MALRD1: variants seen among roughly 807,000 people sequenced by gnomAD.
MALRD1 encodes MAM and LDL-receptor class A domain-containing protein 1.
MALRD1 carries 247 observed loss-of-function variants against 242.1 expected under a neutral mutation model. The ratio of observed to expected loss-of-function variants is 1.02; its 90% confidence interval spans 0.92 to 1.13. The LOEUF is 1.13. Ranked by LOEUF, MALRD1 falls within the 50% of genes most tolerant of loss-of-function variation. The probability of loss-of-function intolerance (pLI) is 0.00; values close to 1 mark genes in which losing one functional copy is unlikely to be tolerated. For synonymous variants in MALRD1, 995 were observed against 866.6 expected (o/e 1.15, Z -2.60); for missense variants, 2,989 against 2,533.1 (o/e 1.18, Z -3.86).
In MALRD1 at chr10:19,643,759, C is replaced by G. The variant is rs185015135; in HGVS notation, c.6137+27836C>G. Among the ~76,000 whole-genome samples the G allele has an allele frequency of 2.0e-3, 308 of 152,230 alleles. 2 individuals are homozygous for G. Among genetic ancestry groups the G allele is most frequent in the African/African-American group, 6.1e-3 (252 of 41,526 alleles). On this transcript the variant is annotated intron_variant, in intron 36 of 39. Coordinates refer to ENST00000454679, the MANE Select transcript of MALRD1 (RefSeq NM_001142308.3). ...TTCCTTGAAGCATGCATTGCGTTTC[C>G]CGTTTTCTATCTATTCTCTCCCTTT...
intron 34 of MALRD1, among the ~76,000 whole-genome samples, chr10:19,603,822 A>C (rs562162464): frequency 6.6e-6 from 1 of 152,128 alleles, no homozygotes. Context: ...TGATGTTACT[A>C]CTGTAATTGT....
At chr10:19,204,287 T>TG (rs1314983774) in intron 15 of MALRD1, 21 bp from the exon 16 acceptor site, 8 of 1,285,984 alleles carry the variant, frequency 6.2e-6, no homozygotes, top group Middle Eastern at 2.1e-4. Context: ...AAGCGTTTTT[T>TG]TTTTTTTTTT....
chr10:19,100,019 C>G (rs1836195133), intron 4 of MALRD1, among the ~76,000 whole-genome samples: 1 of 151,982 alleles, frequency 6.6e-6, no homozygotes, highest in South Asian at 2.1e-4. Context: ...CCTTGGCCTC[C>G]CAAAGTATTG....
chr10:19,210,982 T>G lies in MALRD1; in HGVS notation c.2991+1302T>G, dbSNP rs938161207. Among the ~76,000 whole-genome samples, 3 of 152,326 alleles carry G rather than the reference T, an allele frequency of 2.0e-5. No individual in the cohort carries two copies. The East Asian group carries it at 5.8e-4, about 29-fold the overall frequency. On this transcript the variant is annotated intron_variant, in intron 18 of 39. Transcript: ENST00000454679. ...TGGTCTCCCACAAACATAAGATACA[T>G]GTAATCATATGGAATGAAATGGAAA...
intron 1 of MALRD1, among the ~76,000 whole-genome samples, chr10:19,050,430 G>A (rs1291868783): frequency 6.6e-6 from 1 of 151,970 alleles, no homozygotes; most frequent in Non-Finnish European, 1.5e-5. Flanking sequence ...CATGTTTACA[G>A]AATTCATTCT....
chr10:19,534,342 T>C (rs1209744318), intron 32 of MALRD1, among the ~76,000 whole-genome samples: 1 of 152,230 alleles, frequency 6.6e-6, no homozygotes, highest in Non-Finnish European at 1.5e-5. Context: ...ATTTTACATG[T>C]GGAGGAACCA....
At chr10:19,463,697 C>T (rs1051775533) in intron 29 of MALRD1, among the ~76,000 whole-genome samples, 6 of 151,880 alleles carry the variant, frequency 4.0e-5, no homozygotes, top group Admixed American at 6.6e-5. Flanking sequence ...TATCTTTTTT[C>T]GTATAATTAC....
chr10:19,061,301 T>G (rs1279690592), intron 1 of MALRD1, among the ~76,000 whole-genome samples: 1 of 152,330 alleles, frequency 6.6e-6, no homozygotes, highest in Non-Finnish European at 1.5e-5. Flanking sequence ...ATGGAAAAGA[T>G]ATTCTGTGTC....
intron 26 of MALRD1, among the ~76,000 whole-genome samples, chr10:19,371,808 A>G (rs966998358): frequency 2.0e-5 from 3 of 152,172 alleles, no homozygotes; most frequent in Admixed American, 2.0e-4. Context: ...ATTTTCTATC[A>G]CTATAATTTC....
chr10:19,653,256 G>A (rs943665392), intron 36 of MALRD1, among the ~76,000 whole-genome samples: 16 of 151,882 alleles, frequency 1.1e-4, no homozygotes, highest in African/African-American at 3.9e-4. Flanking sequence ...GAGTGCAGTG[G>A]CACAATCATA....
At chr10:19,057,640 A>G (rs1454346347) in intron 1 of MALRD1, among the ~76,000 whole-genome samples, 2 of 152,224 alleles carry the variant, frequency 1.3e-5, no homozygotes, top group African/African-American at 4.8e-5. Flanking sequence ...ATGTGCAGAA[A>G]AAAGACTCAT....
At chr10:19,390,171 T>C (rs932113657) in intron 28 of MALRD1, among the ~76,000 whole-genome samples, 7 of 152,340 alleles carry the variant, frequency 4.6e-5, no homozygotes, top group Non-Finnish European at 4.4e-5. Flanking sequence ...CTAGGACACA[T>C]ACATTTCTTC....
At chr10:19,406,363 TG>T (rs1224430134) in intron 28 of MALRD1, among the ~76,000 whole-genome samples, 1 of 152,222 alleles carries the variant, frequency 6.6e-6, no homozygotes, top group Admixed American at 6.5e-5. Flanking sequence ...GAGTTTTCAT[TG>T]TATTTCCATT....
At chr10:19,544,549 T>C (rs1023019757) in intron 32 of MALRD1, among the ~76,000 whole-genome samples, 1 of 151,608 alleles carries the variant, frequency 6.6e-6, no homozygotes, top group Non-Finnish European at 1.5e-5. Flanking sequence ...CCAGTGTTTA[T>C]AAGTTTTAAT....
intron 36 of MALRD1, among the ~76,000 whole-genome samples, chr10:19,623,684 A>G (rs375921889): frequency 6.6e-6 from 1 of 152,250 alleles, no homozygotes; most frequent in African/African-American, 2.4e-5. Context: ...CAGCAGCAAG[A>G]TGGTTGTCCC....
chr10:19,364,818 T>G (rs1845041543), intron 26 of MALRD1, among the ~76,000 whole-genome samples: 1 of 152,142 alleles, frequency 6.6e-6, no homozygotes, highest in South Asian at 2.1e-4. Context: ...ATGTGCAGTT[T>G]AAAATAATTT....
At chr10:19,700,021 GACACACACACACACAC>G (rs58040272) in intron 38 of MALRD1, among the ~76,000 whole-genome samples, 8 of 141,190 alleles carry the variant, frequency 5.7e-5, no homozygotes, top group East Asian at 2.1e-4. Flanking sequence ...AATTGATTTA[GACACACACACACACAC>G]ACACACACAC....
chr10:19,324,846 T>C (rs1478405389), intron 22 of MALRD1, among the ~76,000 whole-genome samples: 1 of 151,896 alleles, frequency 6.6e-6, no homozygotes, highest in Non-Finnish European at 1.5e-5. Context: ...ATAACCAATA[T>C]GGTGTTATTT....
chr10:19,522,042 G>A (rs188033202), intron 31 of MALRD1, among the ~76,000 whole-genome samples: 7 of 152,048 alleles, frequency 4.6e-5, no homozygotes, highest in South Asian at 4.2e-4. Context: ...CATTTACAAC[G>A]CAACTATTCT....
Sources: gnomAD v4.1 joint callset for allele counts (sites outside exome capture counted in the v4.1 genomes callset) on GRCh38, gnomAD v4.1.1 for gene constraint, MANE v1.5 for transcripts, NCBI Gene and HGNC (gene_info 2026-07-23, HGNC 2026-07-21) for gene names.